The following CCDC178 variants were observed in gnomAD, a reference collection of about 807,000 sequenced individuals.
The protein encoded by CCDC178 is coiled-coil domain containing 178.
CCDC178 carries 126 observed loss-of-function variants against 117.4 expected under a neutral mutation model. The ratio of observed to expected loss-of-function variants is 1.07; its 90% CI spans 0.93 to 1.24. CCDC178 has a LOEUF of 1.24. Ranked by LOEUF, CCDC178 falls within the 50% of genes most tolerant of loss-of-function variation. The probability of loss-of-function intolerance (pLI) is 0.00; values close to 1 mark genes in which losing one functional copy is unlikely to be tolerated. For missense variants in CCDC178, 1,030 were observed against 986.9 expected (o/e 1.04, Z -0.59); for synonymous variants, 283 against 313.4 (o/e 0.90, Z 1.02).
chr18:33,228,883 C>T (rs1250232675), intron 15 of CCDC178, among the ~76,000 whole-genome samples: 1 of 152,182 alleles, frequency 6.6e-6, no homozygotes, highest in Non-Finnish European at 1.5e-5. Flanking sequence ...CAAGAGGCTA[C>T]ACAGTTTCTG....
intron 5 of CCDC178, among the ~76,000 whole-genome samples, chr18:33,372,446 G>T (rs575151407): frequency 1.3e-5 from 2 of 152,154 alleles, no homozygotes; most frequent in South Asian, 4.1e-4. Context: ...TTAATGTATT[G>T]GTAGGATGTT....
chr18:33,205,775 G>A (rs1455007734), intron 20 of CCDC178, among the ~76,000 whole-genome samples: 1 of 152,204 alleles, frequency 6.6e-6, no homozygotes, highest in Non-Finnish European at 1.5e-5. Flanking sequence ...GCTCACTGCA[G>A]CCTCAACCTC....
intron 21 of CCDC178, among the ~76,000 whole-genome samples, chr18:33,025,424 C>A (rs1363066079): frequency 6.6e-6 from 1 of 151,922 alleles, no homozygotes; most frequent in Non-Finnish European, 1.5e-5. Flanking sequence ...AAAACTTTTG[C>A]TCTGTGAAAG....
intron 21 of CCDC178, among the ~76,000 whole-genome samples, chr18:33,011,464 A>C (rs11663224): frequency 5.9e-5 from 9 of 152,016 alleles, no homozygotes; most frequent in Non-Finnish European, 1.0e-4. Flanking sequence ...CAAAGCCCCC[A>C]CAGTCTCCTC....
At chr18:33,054,926 C>A (rs1397887673) in intron 21 of CCDC178, among the ~76,000 whole-genome samples, 1 of 152,176 alleles carries the variant, frequency 6.6e-6, no homozygotes, top group East Asian at 1.9e-4. Flanking sequence ...CTTCTCCACA[C>A]CTCGCCATCA....
chr18:33,279,402 C>T (rs201227022), intron 12 of CCDC178, among the ~76,000 whole-genome samples: 19 of 151,888 alleles, frequency 1.3e-4, no homozygotes, highest in Admixed American at 2.6e-4. Flanking sequence ...TTACAAGGGA[C>T]GTGAAGGACC....
intron 11 of CCDC178, among the ~76,000 whole-genome samples, chr18:33,306,412 T>TTGTGTGTGTGTGTGTG (rs71159815): frequency 3.2e-5 from 4 of 126,250 alleles, no homozygotes; most frequent in African/African-American, 6.0e-5. Context: ...TATTGGATCT[T>TTGTGTGTGTGTGTGTG]TGTGTGTGTG....
chr18:33,174,179 C>T (rs141645375), intron 20 of CCDC178, among the ~76,000 whole-genome samples: 7 of 151,730 alleles, frequency 4.6e-5, no homozygotes, highest in South Asian at 2.1e-4. Flanking sequence ...GAGAGAGAGT[C>T]GGCAGGAGGT....
chr18:33,302,264 T>C (rs954025435), intron 11 of CCDC178, among the ~76,000 whole-genome samples: 1 of 152,196 alleles, frequency 6.6e-6, no homozygotes, highest in African/African-American at 2.4e-5. Context: ...GTTTGTACAG[T>C]GTGAAAAACC....
chr18:33,090,022 C>T (rs2057438968), intron 21 of CCDC178, among the ~76,000 whole-genome samples: 1 of 152,032 alleles, frequency 6.6e-6, no homozygotes, highest in Admixed American at 6.6e-5. Context: ...TTTTTAAAGG[C>T]AAGAATACCC....
chr18:33,272,459 A>G (rs1213384413), intron 12 of CCDC178, among the ~76,000 whole-genome samples: 2 of 151,658 alleles, frequency 1.3e-5, no homozygotes, highest in Non-Finnish European at 3.0e-5. Flanking sequence ...ACTGGTGAAT[A>G]CTACTAGATG....
chr18:33,212,817 A>G (rs2059123548), intron 19 of CCDC178, among the ~76,000 whole-genome samples: 1 of 152,006 alleles, frequency 6.6e-6, no homozygotes, highest in Non-Finnish European at 1.5e-5. Context: ...TTATGTAAGG[A>G]ACAATACTAG....
intron 21 of CCDC178, among the ~76,000 whole-genome samples, chr18:32,975,498 C>G (rs563514954): frequency 6.6e-6 from 1 of 151,986 alleles, no homozygotes; most frequent in African/African-American, 2.4e-5. Context: ...ACCGTAGGCA[C>G]GCCATACAGA....
At position 32,964,282 on chromosome 18, in the gene CCDC178, C is replaced by CT. The variant is rs540840174; in HGVS notation, c.2523+10264dup. 1.9e-3 allele frequency among the ~76,000 whole-genome samples: 283 copies of CT among 151,780 alleles called. 1 individual carries two copies. Among genetic ancestry groups the CT allele is most frequent in the Non-Finnish European group, 3.5e-3 (236 of 67,828 alleles). ...GATGTTTTAACTAAGCATTTGTTTT[C>CT]TTTTTTTTGTTTATGTGTTTATGCA... On this transcript the variant is annotated intron_variant, in intron 22 of 22. Coordinates refer to ENST00000383096, the MANE Select transcript of CCDC178 (RefSeq NM_001105528.4).
intron 15 of CCDC178, among the ~76,000 whole-genome samples, chr18:33,230,656 C>T (rs1599029175): frequency 6.6e-6 from 1 of 151,996 alleles, no homozygotes; most frequent in Admixed American, 6.6e-5. Context: ...AAGCTCAGGG[C>T]CCATTACAAC....
At chr18:33,327,799 A>G (rs570419484) in intron 10 of CCDC178, among the ~76,000 whole-genome samples, 5 of 152,218 alleles carry the variant, frequency 3.3e-5, no homozygotes, top group African/African-American at 1.2e-4. Context: ...TATAACAGAT[A>G]TATGTATATC....
intron 21 of CCDC178, among the ~76,000 whole-genome samples, chr18:33,029,318 CACTT>C: frequency 6.6e-6 from 1 of 152,030 alleles, no homozygotes; most frequent in East Asian, 1.9e-4. Context: ...TCATACTCCT[CACTT>C]ACATTCCTTT....
chr18:33,428,543 C>A (rs1046072300), intron 2 of CCDC178, among the ~76,000 whole-genome samples: 2 of 151,664 alleles, frequency 1.3e-5, no homozygotes, highest in African/African-American at 4.8e-5. Context: ...ACCATGCTGG[C>A]CAACATGGTG....
chr18:33,021,699 C>T (rs2056121433), intron 21 of CCDC178, among the ~76,000 whole-genome samples: 1 of 152,070 alleles, frequency 6.6e-6, no homozygotes, highest in African/African-American at 2.4e-5. Context: ...ATGTTTATTC[C>T]TCAAACTGCT....
Sources: allele counts gnomAD v4.1 joint callset (sites outside exome capture counted in the v4.1 genomes callset), GRCh38; gene constraint gnomAD v4.1.1; transcripts MANE v1.5; gene names NCBI Gene and HGNC (gene_info 2026-07-23, HGNC 2026-07-21).